The following CSMD1 variants were observed in gnomAD, a reference collection of about 807,000 sequenced individuals.
CSMD1 encodes the protein CUB and sushi domain-containing protein 1.
In CSMD1, 213 loss-of-function variants were observed where a neutral mutation model predicts 417.5. The observed-to-expected ratio is 0.51, with a 90% CI of 0.46 to 0.57. The LOEUF (loss-of-function observed/expected upper bound fraction) is 0.57, where lower values mean the gene tolerates loss of function less well. CSMD1 is among the 20% of genes least tolerant of loss of function. The pLI is 0.00. For missense variants in CSMD1, 6,923 were observed against 4,529.7 expected, an observed-to-expected ratio of 1.53 and a Z score of -15.17; for synonymous variants, 2,862 against 1,736.8, an observed-to-expected ratio of 1.65 and a Z score of -16.11.
chr8:4,044,821 G>A (rs576688824), intron 3 of CSMD1, among the ~76,000 whole-genome samples: 70 of 127,824 alleles, frequency 5.5e-4, no homozygotes, highest in Non-Finnish European at 4.7e-4. Flanking sequence ...AACCATCCTC[G>A]ATGAGTAGCA....
chr8:4,684,011 A>G lies in CSMD1; in HGVS notation c.86-46453T>C, dbSNP rs141299951. On this transcript the variant is annotated intron_variant, in intron 1 of 69. Coordinates refer to ENST00000635120, the MANE Select transcript of CSMD1 (RefSeq NM_033225.6). The stretch of plus-strand genomic sequence containing the variant: ...AGTATCACTGACTGAGTATTGCTCA[A>G]GTGAATGGTTGTACATCAGTATGAT... 1.8e-4 allele frequency among the ~76,000 whole-genome samples: 27 copies of G among 152,358 alleles called. No individual in the cohort carries two copies. The East Asian group carries it at 5.2e-3, about 29-fold the overall frequency.
At chr8:4,343,887 T>G (rs567489306) in intron 3 of CSMD1, among the ~76,000 whole-genome samples, 10 of 152,284 alleles carry the variant, frequency 6.6e-5, no homozygotes, top group Admixed American at 6.5e-4. Context: ...ACTCAATAAC[T>G]AATTTTTAAG....
At chr8:3,606,323 G>C (rs888675045) in intron 8 of CSMD1, among the ~76,000 whole-genome samples, 1 of 152,142 alleles carries the variant, frequency 6.6e-6, no homozygotes, top group African/African-American at 2.4e-5. Flanking sequence ...CTGATACACA[G>C]CTGGGCTTCA....
chr8:3,670,182 T>A (rs563930277), intron 7 of CSMD1, among the ~76,000 whole-genome samples: 1 of 152,038 alleles, frequency 6.6e-6, no homozygotes, highest in East Asian at 1.9e-4. Context: ...GAAGGCAGAC[T>A]TACACTTAAT....
intron 1 of CSMD1, among the ~76,000 whole-genome samples, chr8:4,836,991 G>C (rs566186362): frequency 7.3e-4 from 111 of 151,570 alleles, no homozygotes; most frequent in Non-Finnish European, 1.4e-3. Flanking sequence ...TTGTTGTTAA[G>C]AGACCACCCA....
At chr8:3,307,614 T>C in intron 25 of CSMD1, 81 bp downstream of exon 25, 2 of 1,427,272 alleles carry the variant, frequency 1.4e-6, no homozygotes, top group Non-Finnish European at 1.9e-6. Context: ...CCATGGATAT[T>C]TGGTGTACCA....
intron 54 of CSMD1, among the ~76,000 whole-genome samples, chr8:2,988,180 C>T (rs978726120): frequency 5.3e-5 from 8 of 152,010 alleles, no homozygotes; most frequent in African/African-American, 1.9e-4. Context: ...CAACTAAACC[C>T]ATAATGATTC....
rs748243249 is a variant in CSMD1 at position 3,754,074 on chromosome 8, T to C, written c.819-32A>G. 13 of 1,466,566 alleles carry C rather than the reference T, an allele frequency of 8.9e-6. No homozygotes were observed. The East Asian group carries it at 2.5e-4, about 28-fold the overall frequency. 90.8% of individuals were successfully genotyped at this position (1,466,566 alleles called of 1,614,324 possible). A position where few individuals can be genotyped will look rare whatever the true frequency, so the allele number is the denominator to read the frequency against. ...AAGAGAAAGAGGAAAAAAATCTCCC[T>C]TGTAAACCAACAGAGCAAATGTCCT... On this transcript the variant is annotated intron_variant, in intron 5 of 69. Coordinates refer to ENST00000635120, the MANE Select transcript of CSMD1 (RefSeq NM_033225.6).
At chr8:3,576,304 A>T (rs1800149429) in intron 9 of CSMD1, among the ~76,000 whole-genome samples, 1 of 142,552 alleles carries the variant, frequency 7.0e-6, no homozygotes, top group African/African-American at 2.7e-5. Flanking sequence ...ATAATAATAC[A>T]AATCATGGCT....
intron 3 of CSMD1, among the ~76,000 whole-genome samples, chr8:4,233,583 A>G (rs181451562): frequency 1.4e-3 from 219 of 152,260 alleles, no homozygotes; most frequent in Non-Finnish European, 2.4e-3. Context: ...GGCCCTGTCT[A>G]TGAACCAGGA....
At chr8:4,282,056 G>A (rs1796814842) in intron 3 of CSMD1, among the ~76,000 whole-genome samples, 1 of 152,174 alleles carries the variant, frequency 6.6e-6, no homozygotes, top group Non-Finnish European at 1.5e-5. Context: ...TCCCTGGGTT[G>A]TAGCACATTG....
chr8:3,927,419 C>G (rs576953607), intron 5 of CSMD1, among the ~76,000 whole-genome samples: 2 of 152,072 alleles, frequency 1.3e-5, no homozygotes, highest in South Asian at 4.1e-4. Flanking sequence ...GTGGTCCCAA[C>G]ACTTTGTGGT....
intron 3 of CSMD1, among the ~76,000 whole-genome samples, chr8:4,188,697 G>C (rs915336486): frequency 3.3e-5 from 5 of 152,154 alleles, no homozygotes; most frequent in Admixed American, 1.3e-4. Context: ...ATAAAAAAGA[G>C]GAAGTGTAAA....
chr8:2,940,458 AT>A, intron 69 of CSMD1, among the ~76,000 whole-genome samples: 1 of 152,214 alleles, frequency 6.6e-6, no homozygotes, highest in African/African-American at 2.4e-5. Flanking sequence ...ATGACGACAG[AT>A]TCCCCACCGA....
chr8:4,746,804 T>C (rs1810984401), intron 1 of CSMD1, among the ~76,000 whole-genome samples: 2 of 152,136 alleles, frequency 1.3e-5, no homozygotes. Context: ...AAAAGATAAC[T>C]GTGTGGGTTC....
chr8:4,170,304 T>C (rs1797698779), intron 3 of CSMD1, among the ~76,000 whole-genome samples: 2 of 151,930 alleles, frequency 1.3e-5, no homozygotes, highest in African/African-American at 2.4e-5. Context: ...CATTTGCGTC[T>C]CAATGATATA....
intron 8 of CSMD1, among the ~76,000 whole-genome samples, chr8:3,602,505 C>G (rs1015798850): frequency 6.6e-6 from 1 of 152,094 alleles, no homozygotes; most frequent in Non-Finnish European, 1.5e-5. Context: ...ATCCTAAACT[C>G]TTTTGCATAT....
At chr8:4,666,039 G>C (rs528670738) in intron 1 of CSMD1, among the ~76,000 whole-genome samples, 5 of 151,662 alleles carry the variant, frequency 3.3e-5, no homozygotes, top group Middle Eastern at 3.2e-3. Flanking sequence ...TTTTGTTTTT[G>C]CTTTAAGCCA....
intron 3 of CSMD1, among the ~76,000 whole-genome samples, chr8:4,176,691 C>T (rs549437385): frequency 2.5e-4 from 37 of 150,906 alleles, no homozygotes; most frequent in Non-Finnish European, 4.1e-4. Context: ...AGCCATCTCA[C>T]GTGCAGAGAC....
Sources: allele counts gnomAD v4.1 joint callset (sites outside exome capture counted in the v4.1 genomes callset), GRCh38; gene constraint gnomAD v4.1.1; transcripts MANE v1.5; gene names NCBI Gene and HGNC (gene_info 2026-07-23, HGNC 2026-07-21).